LRMDA: variants seen among roughly 807,000 people sequenced by gnomAD.
LRMDA encodes leucine-rich melanocyte differentiation-associated protein.
In LRMDA, 18 loss-of-function variants were observed where a neutral mutation model predicts 29.8. That is an observed-to-expected ratio of 0.60 (90% CI 0.42 to 0.90). LRMDA has a LOEUF of 0.90. LRMDA is among the 40% of genes least tolerant of loss of function. The pLI is 0.00. For synonymous variants in LRMDA, 125 were observed against 109.4 expected (o/e 1.14, Z -0.89); for missense variants, 273 against 273.9 (o/e 1.00, Z 0.02).
At chr10:75,707,808 T>C (rs11001478) in intron 2 of LRMDA, among the ~76,000 whole-genome samples, 5,768 of 152,216 alleles carry the variant, frequency 0.038, 273 homozygotes, top group African/African-American at 0.11. Flanking sequence ...TAAACCTCAG[T>C]CTGGTATTTT....
chr10:75,506,323 G>A (rs1310271757), intron 2 of LRMDA, among the ~76,000 whole-genome samples: 1 of 152,180 alleles, frequency 6.6e-6, no homozygotes, highest in Non-Finnish European at 1.5e-5. Context: ...CCACTCCCCT[G>A]TCTGATTTCT....
At chr10:75,817,066 G>A (rs534065991) in intron 2 of LRMDA, among the ~76,000 whole-genome samples, 29 of 152,296 alleles carry the variant, frequency 1.9e-4, no homozygotes, top group African/African-American at 5.5e-4. Context: ...CCTCATCATC[G>A]GTAGTGGTGG....
intron 2 of LRMDA, among the ~76,000 whole-genome samples, chr10:75,716,159 A>T (rs974777818): frequency 3.3e-5 from 5 of 152,068 alleles, no homozygotes; most frequent in African/African-American, 1.2e-4. Context: ...TTTGAAGTAA[A>T]CTCTACTGCT....
chr10:75,962,363 A>C (rs995668252), intron 2 of LRMDA, among the ~76,000 whole-genome samples: 3 of 152,152 alleles, frequency 2.0e-5, no homozygotes, highest in Non-Finnish European at 4.4e-5. Context: ...TCACCTGGGA[A>C]TGTGTTAGAA....
At chr10:76,484,233 T>C (rs959905918) in intron 6 of LRMDA, among the ~76,000 whole-genome samples, 2 of 151,686 alleles carry the variant, frequency 1.3e-5, no homozygotes, top group African/African-American at 4.8e-5. Context: ...CATCTTCTCC[T>C]CCTTCTCCTT....
chr10:75,809,755 C>T (rs922767526), intron 2 of LRMDA, among the ~76,000 whole-genome samples: 1 of 152,160 alleles, frequency 6.6e-6, no homozygotes, highest in African/African-American at 2.4e-5. Flanking sequence ...AGGATGTTGA[C>T]TGACAGGTGG....
chr10:75,466,770 C>T (rs947721552), intron 2 of LRMDA, among the ~76,000 whole-genome samples: 9 of 152,100 alleles, frequency 5.9e-5, no homozygotes, highest in African/African-American at 2.2e-4. Context: ...GGAAACTCCC[C>T]CTACTGAATC....
At chr10:76,262,676 TCTC>T (rs146886895) in intron 5 of LRMDA, among the ~76,000 whole-genome samples, 2,149 of 152,320 alleles carry the variant, frequency 0.014, 46 homozygotes, top group African/African-American at 0.048. Context: ...GGCACTAACT[TCTC>T]CTGTACAGAT....
chr10:76,269,229 C>T (rs1383145990), intron 5 of LRMDA, among the ~76,000 whole-genome samples: 2 of 152,084 alleles, frequency 1.3e-5, no homozygotes, highest in Non-Finnish European at 2.9e-5. Flanking sequence ...CAGCAGTAAT[C>T]GAACCCCCCA....
At chr10:75,790,432 A>C (rs1312635844) in intron 2 of LRMDA, among the ~76,000 whole-genome samples, 1 of 152,202 alleles carries the variant, frequency 6.6e-6, no homozygotes, top group Non-Finnish European at 1.5e-5. Context: ...AGATGTTGCT[A>C]AAATTATTTT....
intron 2 of LRMDA, among the ~76,000 whole-genome samples, chr10:75,829,133 G>T (rs1844295247): frequency 6.6e-6 from 1 of 152,206 alleles, no homozygotes; most frequent in Non-Finnish European, 1.5e-5. Flanking sequence ...TGTTGGAGCT[G>T]AATGGCTCTA....
At chr10:75,656,406 G>C (rs1207447157) in intron 2 of LRMDA, among the ~76,000 whole-genome samples, 1 of 152,198 alleles carries the variant, frequency 6.6e-6, no homozygotes, top group Non-Finnish European at 1.5e-5. Context: ...TCCATTCTAT[G>C]AATTACCTAT....
intron 2 of LRMDA, among the ~76,000 whole-genome samples, chr10:75,596,334 T>C (rs1245484772): frequency 2.6e-5 from 4 of 152,058 alleles, no homozygotes; most frequent in Non-Finnish European, 5.9e-5. Flanking sequence ...TGCTGAGGAG[T>C]GAAGGTGACT....
At chr10:76,059,722 G>C (rs1848674385) in intron 5 of LRMDA, among the ~76,000 whole-genome samples, 1 of 152,190 alleles carries the variant, frequency 6.6e-6, no homozygotes, top group Non-Finnish European at 1.5e-5. Flanking sequence ...AGGGGGGAAA[G>C]AAAAAACAAA....
At chr10:76,368,010 G>C (rs1841411867) in intron 6 of LRMDA, among the ~76,000 whole-genome samples, 1 of 151,976 alleles carries the variant, frequency 6.6e-6, no homozygotes, top group African/African-American at 2.4e-5. Context: ...GGTTAATCTT[G>C]TTAATGGTCT....
intron 5 of LRMDA, among the ~76,000 whole-genome samples, chr10:76,229,922 A>G (rs901821689): frequency 1.3e-5 from 2 of 152,114 alleles, no homozygotes; most frequent in Non-Finnish European, 2.9e-5. Flanking sequence ...AACTCCTGAG[A>G]TCTTTTCAGG....
intron 5 of LRMDA, among the ~76,000 whole-genome samples, chr10:76,249,146 C>G (rs890748459): frequency 2.6e-5 from 4 of 152,274 alleles, no homozygotes; most frequent in South Asian, 2.1e-4. Context: ...GAGATTTGCT[C>G]AAGCTGCTCT....
At chr10:75,435,305 A>G (rs1317596502) in intron 1 of LRMDA, among the ~76,000 whole-genome samples, 1 of 152,156 alleles carries the variant, frequency 6.6e-6, no homozygotes, top group Non-Finnish European at 1.5e-5. Flanking sequence ...TGAATCTTAC[A>G]TTAGGTGGTC....
At chr10:75,730,363 C>G (rs1053017253) in intron 2 of LRMDA, among the ~76,000 whole-genome samples, 1 of 152,152 alleles carries the variant, frequency 6.6e-6, no homozygotes, top group Non-Finnish European at 1.5e-5. Context: ...GCCACGACCC[C>G]ACCATTCACC....
Sources: allele counts gnomAD v4.1 joint callset (sites outside exome capture counted in the v4.1 genomes callset), GRCh38; gene constraint gnomAD v4.1.1; transcripts MANE v1.5; gene names NCBI Gene and HGNC (gene_info 2026-07-23, HGNC 2026-07-21).